Variants in ULK4 observed in about 807,000 individuals in gnomAD.
ULK4 encodes inactive serine/threonine-protein kinase ULK4.
In ULK4, 133 loss-of-function variants were observed where a neutral mutation model predicts 160.6. The observed-to-expected ratio is 0.83, with a 90% CI of 0.72 to 0.96. The LOEUF (loss-of-function observed/expected upper bound fraction) is 0.96. Among genes scored for constraint, ULK4 ranks in the 40% least tolerant of loss-of-function variants. The probability of loss-of-function intolerance (pLI) is 0.00; values close to 1 mark genes in which losing one functional copy is unlikely to be tolerated. For synonymous variants in ULK4, 534 were observed against 539.8 expected, an observed-to-expected ratio of 0.99 and a Z score of 0.15; for missense variants, 1,580 against 1,499.5, an observed-to-expected ratio of 1.05 and a Z score of -0.89.
At chr3:41,283,963 CA>C (rs2079412017) in intron 35 of ULK4, among the ~76,000 whole-genome samples, 1 of 132,030 alleles carries the variant, frequency 7.6e-6, no homozygotes, top group Admixed American at 7.5e-5. Flanking sequence ...CAATAGCTGC[CA>C]AAAATAAATA....
At chr3:41,714,348 C>T (rs1699600803) in intron 25 of ULK4, among the ~76,000 whole-genome samples, 1 of 152,152 alleles carries the variant, frequency 6.6e-6, no homozygotes, top group Non-Finnish European at 1.5e-5. Context: ...AAAACCATAT[C>T]CTCACTTGTT....
At chr3:41,549,678 A>T (rs369403615) in intron 32 of ULK4, among the ~76,000 whole-genome samples, 3 of 152,144 alleles carry the variant, frequency 2.0e-5, no homozygotes, top group Non-Finnish European at 2.9e-5. Context: ...TAGACTCCAG[A>T]AATAGGAAGC....
intron 2 of ULK4, among the ~76,000 whole-genome samples, chr3:41,949,683 C>G (rs1700224698): frequency 6.7e-6 from 1 of 150,322 alleles, no homozygotes. Flanking sequence ...TCTGCCCCCT[C>G]CTCGGCCACT....
intron 19 of ULK4, among the ~76,000 whole-genome samples, chr3:41,804,092 A>G (rs2040558989): frequency 1.3e-5 from 2 of 151,894 alleles, no homozygotes; most frequent in African/African-American, 2.4e-5. Flanking sequence ...ACTAGTTTAC[A>G]GTCCCACCAA....
At position 41,820,636 on chromosome 3, in the gene ULK4, G is replaced by A. The variant is rs147489592; in HGVS notation, c.1765-1130C>T. Among the ~76,000 whole-genome samples, 788 of 152,206 alleles carry A rather than the reference G, an allele frequency of 5.2e-3. 11 individuals carry two copies. The highest frequency in any genetic ancestry group is 0.018 in the African/African-American group (733 of 41,524). ...CTAGAGACTACAACAAGTGGGGAGGGTGGGACAGGAGTAAGGGCTGAAAAA... is the reference window on the plus strand; with the variant it reads ...CTAGAGACTACAACAAGTGGGGAGGATGGGACAGGAGTAAGGGCTGAAAAA... On this transcript the variant is annotated intron_variant, in intron 18 of 36. Transcript: ENST00000301831.
At chr3:41,935,205 ATTTATTTTTTTTTTTTTTTTTTTTT>A in intron 4 of ULK4, among the ~76,000 whole-genome samples, 1 of 1,966 alleles carries the variant, frequency 5.1e-4, no homozygotes, top group East Asian at 0.018. Flanking sequence ...TTATTTATTT[ATTTATTTTTTTTTTTTTTTTTTTTT>A]TTTTTTTTTT....
chr3:41,733,576 A>G (rs1437895057), intron 22 of ULK4, among the ~76,000 whole-genome samples: 1 of 152,100 alleles, frequency 6.6e-6, no homozygotes, highest in Non-Finnish European at 1.5e-5. Flanking sequence ...ATATTTATAA[A>G]AAGAGGTAAA....
chr3:41,879,692 G>C (rs1239892113), intron 17 of ULK4, among the ~76,000 whole-genome samples: 2 of 152,026 alleles, frequency 1.3e-5, no homozygotes, highest in African/African-American at 4.8e-5. Context: ...TGCCCAGGCT[G>C]GTCTCAAACT....
chr3:41,767,728 C>T (rs1185092676), intron 21 of ULK4, among the ~76,000 whole-genome samples: 1 of 152,128 alleles, frequency 6.6e-6, no homozygotes, highest in Non-Finnish European at 1.5e-5. Context: ...ATAAATCTTA[C>T]ATACAGCTGG....
chr3:41,577,330 TTTTTTAA>T (rs2088225393), intron 31 of ULK4, among the ~76,000 whole-genome samples: 1 of 152,208 alleles, frequency 6.6e-6, no homozygotes, highest in East Asian at 1.9e-4. Context: ...AATCCTTTAA[TTTTTTAA>T]TTTTTAATTT....
chr3:41,518,150 A>G (rs1045764895), intron 32 of ULK4, among the ~76,000 whole-genome samples: 1 of 152,204 alleles, frequency 6.6e-6, no homozygotes, highest in Non-Finnish European at 1.5e-5. Flanking sequence ...ATGACCTACA[A>G]TTTATTCAGC....
chr3:41,447,531 T>G (rs1575232830), intron 34 of ULK4, among the ~76,000 whole-genome samples: 1 of 151,990 alleles, frequency 6.6e-6, no homozygotes, highest in Non-Finnish European at 1.5e-5. Context: ...AGAAAGCAGA[T>G]CTGCAGTTCC....
intron 2 of ULK4, among the ~76,000 whole-genome samples, chr3:41,953,273 T>C (rs1321802494): frequency 1.9e-4 from 16 of 84,352 alleles, no homozygotes; most frequent in African/African-American, 5.1e-4. Flanking sequence ...TACACATATA[T>C]ACATATATAC....
At chr3:41,484,663 A>G (rs997909383) in intron 32 of ULK4, among the ~76,000 whole-genome samples, 35 of 152,224 alleles carry the variant, frequency 2.3e-4, no homozygotes, top group Non-Finnish European at 2.8e-4. Context: ...CGTGTTAGCC[A>G]GGATGGTCTT....
intron 33 of ULK4, among the ~76,000 whole-genome samples, chr3:41,455,800 C>T (rs1188188824): frequency 6.6e-6 from 1 of 151,482 alleles, no homozygotes; most frequent in East Asian, 2.0e-4. Flanking sequence ...CCACTGCCAC[C>T]AGCTCAGGCT....
intron 35 of ULK4, among the ~76,000 whole-genome samples, chr3:41,343,703 AC>A (rs1368876763): frequency 6.6e-6 from 1 of 152,214 alleles, no homozygotes; most frequent in East Asian, 1.9e-4. Flanking sequence ...CTATACACCA[AC>A]AACAGACAAG....
chr3:41,801,653 C>T (rs1048121395), intron 19 of ULK4, among the ~76,000 whole-genome samples: 1 of 151,932 alleles, frequency 6.6e-6, no homozygotes, highest in African/African-American at 2.4e-5. Context: ...AGTTCAAGAC[C>T]AGCATGGGCA....
In ULK4 at chr3:41,762,741, C is replaced by T. The variant is rs539595126; in HGVS notation, c.2194-8253G>A. 9.7e-4 allele frequency among the ~76,000 whole-genome samples: 142 copies of T among 147,068 alleles called. 1 individual carries two copies. Among genetic ancestry groups the T allele is most frequent in the Non-Finnish European group, 1.7e-3 (112 of 67,434 alleles). ...GCAGTGGCATGATATCGGCTCACTG[C>T]AAGCTCCGCCTCCCAGGTTCACGCC... On this transcript the variant is annotated intron_variant, in intron 21 of 36. Transcript: ENST00000301831.
chr3:41,484,823 G>A (rs1272638221), intron 32 of ULK4, among the ~76,000 whole-genome samples: 1 of 152,020 alleles, frequency 6.6e-6, no homozygotes, highest in Non-Finnish European at 1.5e-5. Flanking sequence ...GATATCTGAG[G>A]TTTCTTTCCA....
Sources: allele counts gnomAD v4.1 joint callset (sites outside exome capture counted in the v4.1 genomes callset), GRCh38; gene constraint gnomAD v4.1.1; transcripts MANE v1.5; gene names NCBI Gene and HGNC (gene_info 2026-07-23, HGNC 2026-07-21).